PTPRD: variants seen among roughly 807,000 people sequenced by gnomAD.
The protein encoded by PTPRD is receptor-type tyrosine-protein phosphatase delta.
PTPRD carries 34 observed loss-of-function variants against 214.5 expected under a neutral mutation model. The observed-to-expected ratio is 0.16, with a 90% CI of 0.12 to 0.21. The LOEUF (loss-of-function observed/expected upper bound fraction) is 0.21. Ranked by LOEUF, PTPRD falls within the 10% of genes least tolerant of loss-of-function variation. The pLI is 1.00. For missense variants in PTPRD, 2,545 were observed against 2,398.7 expected (o/e 1.06, Z -1.27); for synonymous variants, 1,128 against 845.7 (o/e 1.33, Z -5.79).
At chr9:8,413,272 G>C (rs1255435931) in intron 35 of PTPRD, among the ~76,000 whole-genome samples, 2 of 152,036 alleles carry the variant, frequency 1.3e-5, no homozygotes, top group Non-Finnish European at 2.9e-5. Flanking sequence ...TCCATATTTA[G>C]TTTCAGATGC....
intron 4 of PTPRD, among the ~76,000 whole-genome samples, chr9:10,016,005 C>T (rs1259121287): frequency 6.6e-5 from 10 of 152,130 alleles, no homozygotes; most frequent in African/African-American, 2.4e-4. Context: ...TCGACTTCTC[C>T]TGAGGCAGGT....
chr9:10,363,724 T>C (rs1394198731), intron 2 of PTPRD, among the ~76,000 whole-genome samples: 1 of 152,170 alleles, frequency 6.6e-6, no homozygotes, highest in Non-Finnish European at 1.5e-5. Flanking sequence ...TTTCAATAGA[T>C]AACCATTGTC....
At chr9:10,444,186 T>C (rs1304332262) in intron 2 of PTPRD, among the ~76,000 whole-genome samples, 3 of 151,822 alleles carry the variant, frequency 2.0e-5, no homozygotes, top group Admixed American at 1.3e-4. Flanking sequence ...GTATCACCTA[T>C]TCTATCCCCT....
intron 9 of PTPRD, among the ~76,000 whole-genome samples, chr9:9,234,513 AT>A (rs773274732): frequency 1.3e-5 from 2 of 151,936 alleles, no homozygotes; most frequent in South Asian, 4.2e-4. Context: ...GCATGCTTGA[AT>A]TTCTCCCCAG....
chr9:9,134,498 A>C (rs996160731), intron 10 of PTPRD, among the ~76,000 whole-genome samples: 1 of 152,222 alleles, frequency 6.6e-6, no homozygotes, highest in Admixed American at 6.5e-5. Context: ...GTAGCCTCCA[A>C]ACAGGTCTCT....
intron 34 of PTPRD, among the ~76,000 whole-genome samples, chr9:8,447,913 G>T (rs1280109221): frequency 6.6e-6 from 1 of 152,130 alleles, no homozygotes; most frequent in Non-Finnish European, 1.5e-5. Flanking sequence ...CTTTTACAGG[G>T]TGATGAGGTA....
intron 3 of PTPRD, among the ~76,000 whole-genome samples, chr9:10,229,403 G>T (rs998025920): frequency 6.6e-6 from 1 of 151,930 alleles, no homozygotes; most frequent in Non-Finnish European, 1.5e-5. Flanking sequence ...ACATGCACAC[G>T]TATGTTTATT....
chr9:9,434,904 G>C (rs989843692), intron 8 of PTPRD, among the ~76,000 whole-genome samples: 1 of 148,376 alleles, frequency 6.7e-6, no homozygotes, highest in African/African-American at 2.5e-5. Context: ...ATTCTTATCA[G>C]ATAGTTCTGA....
chr9:9,286,544 C>A (rs919613930), intron 9 of PTPRD, among the ~76,000 whole-genome samples: 5 of 151,640 alleles, frequency 3.3e-5, no homozygotes, highest in African/African-American at 1.2e-4. Context: ...GATGAGCATA[C>A]GTTTTTCTAA....
intron 14 of PTPRD, among the ~76,000 whole-genome samples, chr9:8,592,651 T>C (rs963979232): frequency 6.6e-6 from 1 of 152,144 alleles, no homozygotes; most frequent in Non-Finnish European, 1.5e-5. Context: ...TTTATTCACA[T>C]GACAAAGGTT....
intron 11 of PTPRD, among the ~76,000 whole-genome samples, chr9:8,875,519 G>A (rs753232089): frequency 6.6e-6 from 1 of 152,068 alleles, no homozygotes; most frequent in African/African-American, 2.4e-5. Flanking sequence ...CAGTTCATCC[G>A]ATACCTAAGA....
At chr9:9,038,788 C>G (rs1296761611) in intron 10 of PTPRD, among the ~76,000 whole-genome samples, 2 of 152,094 alleles carry the variant, frequency 1.3e-5, no homozygotes, top group South Asian at 2.1e-4. Flanking sequence ...AACTCCTGAC[C>G]TCAAGTGATC....
At chr9:9,634,641 T>C (rs896354576) in intron 7 of PTPRD, among the ~76,000 whole-genome samples, 2 of 152,164 alleles carry the variant, frequency 1.3e-5, no homozygotes, top group Admixed American at 6.6e-5. Flanking sequence ...TAAAATATCT[T>C]TCTCAGCAGG....
chr9:9,516,814 G>T (rs1262858419), intron 8 of PTPRD, among the ~76,000 whole-genome samples: 1 of 149,714 alleles, frequency 6.7e-6, no homozygotes, highest in East Asian at 1.9e-4. Context: ...GGGATTACAG[G>T]TGTGAGCCAC....
chr9:10,114,009 G>T (rs2098711567), intron 3 of PTPRD, among the ~76,000 whole-genome samples: 1 of 152,186 alleles, frequency 6.6e-6, no homozygotes, highest in Non-Finnish European at 1.5e-5. Flanking sequence ...AAAGGACAAG[G>T]ACAGTTATCA....
intron 5 of PTPRD, among the ~76,000 whole-genome samples, chr9:9,922,514 A>G (rs1350561065): frequency 6.6e-6 from 1 of 152,092 alleles, no homozygotes; most frequent in African/African-American, 2.4e-5. Flanking sequence ...GCAAAATTTC[A>G]GCATGAGTAG....
chr9:9,880,917 T>C (rs1035976200), intron 5 of PTPRD, among the ~76,000 whole-genome samples: 2 of 152,182 alleles, frequency 1.3e-5, no homozygotes, highest in African/African-American at 4.8e-5. Flanking sequence ...TACATATTTG[T>C]ATGTGTTCGA....
At chr9:10,003,103 C>G (rs557112858) in intron 4 of PTPRD, among the ~76,000 whole-genome samples, 134 of 151,776 alleles carry the variant, frequency 8.8e-4, no homozygotes, top group African/African-American at 3.2e-3. Context: ...TCAAGTGTGT[C>G]TTAAAGGAAA....
At chr9:8,416,933 G>T (rs2093980186) in intron 35 of PTPRD, among the ~76,000 whole-genome samples, 1 of 151,638 alleles carries the variant, frequency 6.6e-6, no homozygotes, top group South Asian at 2.1e-4. Context: ...TAGGAGAACT[G>T]GGATGTAAAT....
Sources: gnomAD v4.1 joint callset for allele counts (sites outside exome capture counted in the v4.1 genomes callset) on GRCh38, gnomAD v4.1.1 for gene constraint, MANE v1.5 for transcripts, NCBI Gene and HGNC (gene_info 2026-07-23, HGNC 2026-07-21) for gene names.